Variants in ANKS1B observed in about 807,000 individuals in gnomAD.
The protein encoded by ANKS1B is ankyrin repeat and sterile alpha motif domain containing 1B, also known as ankyrin repeat and sterile alpha motif domain-containing protein 1B.
In ANKS1B, 36 loss-of-function variants were observed where a neutral mutation model predicts 148.3. The observed-to-expected ratio is 0.24, with a 90% CI of 0.19 to 0.32. The LOEUF (loss-of-function observed/expected upper bound fraction) is 0.32. Ranked by LOEUF, ANKS1B falls within the 10% of genes least tolerant of loss-of-function variation. ANKS1B has a pLI of 1.00. For missense variants in ANKS1B, 1,157 were observed against 1,542.6 expected, an observed-to-expected ratio of 0.75 and a Z score of 4.19; for synonymous variants, 542 against 560.8, an observed-to-expected ratio of 0.97 and a Z score of 0.47.
intron 12 of ANKS1B, among the ~76,000 whole-genome samples, chr12:99,369,811 C>T (rs559961922): frequency 1.2e-4 from 18 of 150,502 alleles, no homozygotes; most frequent in East Asian, 5.9e-4. Flanking sequence ...GACAGACGGA[C>T]GGACGGACAG....
At chr12:99,723,233 T>C (rs1454388643) in intron 8 of ANKS1B, among the ~76,000 whole-genome samples, 9 of 152,196 alleles carry the variant, frequency 5.9e-5, no homozygotes, top group Admixed American at 5.9e-4. Context: ...CTGGGACTGA[T>C]AGCTGCCTAA....
chr12:99,345,432 C>T (rs73149182), intron 12 of ANKS1B, among the ~76,000 whole-genome samples: 19,085 of 151,794 alleles, frequency 0.13, 1,244 homozygotes, highest in African/African-American at 0.17. Flanking sequence ...TGGAAAGTGA[C>T]GTTAGTATAG....
chr12:99,971,876 A>G (rs1260174174), intron 1 of ANKS1B, among the ~76,000 whole-genome samples: 1 of 152,222 alleles, frequency 6.6e-6, no homozygotes, highest in Non-Finnish European at 1.5e-5. Context: ...GTACAGAAAT[A>G]CTTTTAGTGC....
intron 12 of ANKS1B, among the ~76,000 whole-genome samples, chr12:99,256,879 T>C (rs1172424174): frequency 6.6e-6 from 1 of 152,282 alleles, no homozygotes; most frequent in East Asian, 1.9e-4. Flanking sequence ...TGTGAATCCA[T>C]ATTTTTATCA....
At chr12:99,240,117 G>C (rs887869989) in intron 14 of ANKS1B, among the ~76,000 whole-genome samples, 23 of 152,094 alleles carry the variant, frequency 1.5e-4, no homozygotes, top group African/African-American at 5.3e-4. Flanking sequence ...ACACAGACTG[G>C]AAAATTGGAT....
intron 12 of ANKS1B, among the ~76,000 whole-genome samples, chr12:99,339,464 T>C (rs946758124): frequency 2.0e-5 from 3 of 152,162 alleles, no homozygotes; most frequent in African/African-American, 4.8e-5. Context: ...CTAGATATGA[T>C]GTTAAAACCA....
chr12:99,154,187 T>A (rs1224683135), intron 15 of ANKS1B, 102 bp downstream of exon 15: 1 of 1,426,924 alleles, frequency 7.0e-7, no homozygotes, highest in Non-Finnish European at 9.5e-7. Flanking sequence ...TATATAAATC[T>A]GACCAGTTTT....
rs538199234 is a variant in ANKS1B, at chr12:99,767,835, T to G, written c.1128+5087A>C. On this transcript the variant is annotated intron_variant, in intron 8 of 26. Transcript: ENST00000683438. ...TTATATTACATGCAAAACCTCCAAT[T>G]GAATACATTCAATCATAATAAGAAT... 4.6e-5 allele frequency among the ~76,000 whole-genome samples: 7 copies of G among 152,288 alleles called. No individual in the cohort carries two copies. In the East Asian group the frequency reaches 1.4e-3, roughly 29 times the overall value.
intron 12 of ANKS1B, among the ~76,000 whole-genome samples, chr12:99,263,096 A>G (rs911023849): frequency 6.6e-6 from 1 of 152,022 alleles, no homozygotes; most frequent in African/African-American, 2.4e-5. Context: ...GTATTATGGT[A>G]TTCCCATTTC....
intron 9 of ANKS1B, among the ~76,000 whole-genome samples, chr12:99,551,327 C>G (rs1356558351): frequency 2.0e-5 from 3 of 152,014 alleles, no homozygotes; most frequent in Non-Finnish European, 4.4e-5. Flanking sequence ...AAAACTGCCC[C>G]AAGTCCCTTC....
intron 4 of ANKS1B, among the ~76,000 whole-genome samples, chr12:99,805,977 C>G (rs1412864486): frequency 6.6e-6 from 1 of 152,190 alleles, no homozygotes; most frequent in Non-Finnish European, 1.5e-5. Context: ...AGTTCTCAAT[C>G]CCAAAGGACA....
chr12:99,196,948 C>A (rs1032000737), intron 14 of ANKS1B, among the ~76,000 whole-genome samples: 1 of 152,050 alleles, frequency 6.6e-6, no homozygotes, highest in African/African-American at 2.4e-5. Flanking sequence ...GAGGGCAGGG[C>A]CACAGATAAT....
intron 14 of ANKS1B, among the ~76,000 whole-genome samples, chr12:99,218,650 G>C (rs537050606): frequency 6.6e-6 from 1 of 152,270 alleles, no homozygotes; most frequent in East Asian, 1.9e-4. Context: ...ATCAAACTGG[G>C]TTTGAATCTC....
chr12:99,808,424 G>C (rs1334785423), intron 3 of ANKS1B, among the ~76,000 whole-genome samples: 1 of 152,068 alleles, frequency 6.6e-6, no homozygotes, highest in Non-Finnish European at 1.5e-5. Context: ...AGCATTTGAA[G>C]GTCAAACCCA....
At chr12:99,692,110 T>C (rs1437374146) in intron 8 of ANKS1B, among the ~76,000 whole-genome samples, 1 of 152,198 alleles carries the variant, frequency 6.6e-6, no homozygotes, top group Non-Finnish European at 1.5e-5. Flanking sequence ...TTGTTAAGTA[T>C]ATAAGAAAGT....
At chr12:99,445,418 G>A (rs189457619) in intron 10 of ANKS1B, among the ~76,000 whole-genome samples, 71 of 152,048 alleles carry the variant, frequency 4.7e-4, no homozygotes, top group Non-Finnish European at 8.2e-4. Context: ...ATATTTAACA[G>A]TATAATGGTG....
At chr12:98,955,521 G>A (rs1342114736) in intron 17 of ANKS1B, among the ~76,000 whole-genome samples, 3 of 152,198 alleles carry the variant, frequency 2.0e-5, no homozygotes, top group African/African-American at 7.2e-5. Flanking sequence ...AGACGAATTA[G>A]AAGGCCACTG....
chr12:99,132,036 A>C (rs1600678363), intron 15 of ANKS1B, among the ~76,000 whole-genome samples: 3 of 146,760 alleles, frequency 2.0e-5, no homozygotes, highest in Admixed American at 6.8e-5. Context: ...ACTCCTTCCC[A>C]CCCCCAGGCC....
At chr12:99,084,825 AT>A in intron 16 of ANKS1B, 99 bp downstream of exon 16, 1 of 855,180 alleles carries the variant, frequency 1.2e-6, no homozygotes, top group Non-Finnish European at 1.8e-6. Flanking sequence ...TTGCATCAAT[AT>A]GTAGAACTAC....
Sources: gnomAD v4.1 joint callset for allele counts (sites outside exome capture counted in the v4.1 genomes callset) on GRCh38, gnomAD v4.1.1 for gene constraint, MANE v1.5 for transcripts, NCBI Gene and HGNC (gene_info 2026-07-23, HGNC 2026-07-21) for gene names.